Variants in TSGA10 observed in about 807,000 individuals in gnomAD.
TSGA10 encodes the protein testis-specific gene 10 protein.
Under a neutral mutation model 96.6 loss-of-function variants are expected in TSGA10, and 43 were observed. The ratio of observed to expected loss-of-function variants is 0.44; its 90% CI spans 0.35 to 0.57. TSGA10 has a LOEUF of 0.57. Among genes scored for constraint, TSGA10 ranks in the 20% least tolerant of loss-of-function variants. The pLI is 0.01. For synonymous variants in TSGA10, 229 were observed against 269.9 expected, an observed-to-expected ratio of 0.85 and a Z score of 1.48; for missense variants, 703 against 834.4, an observed-to-expected ratio of 0.84 and a Z score of 1.94.
At chr2:99,004,069 A>G (rs1358502800) in intron 20 of TSGA10, among the ~76,000 whole-genome samples, 1 of 152,214 alleles carries the variant, frequency 6.6e-6, no homozygotes, top group African/African-American at 2.4e-5. Flanking sequence ...ATAAAGAAGA[A>G]AAGAGAGAAG....
intron 16 of TSGA10, among the ~76,000 whole-genome samples, chr2:99,044,043 AG>A (rs1381975771): frequency 2.6e-5 from 4 of 152,336 alleles, no homozygotes; most frequent in Middle Eastern, 3.4e-3. Context: ...AAAATTGGAT[AG>A]GAAAAACTGG....
In TSGA10 at chr2:99,135,004, G is replaced by C. The variant is rs558519657; in HGVS notation, c.-620-7828C>G. 2.6e-5 allele frequency among the ~76,000 whole-genome samples: 4 copies of C among 152,230 alleles called. No homozygotes were observed. The South Asian group carries it at 8.3e-4, about 32-fold the overall frequency. The stretch of plus-strand genomic sequence containing the variant: ...GGGGCACCCACCAGATGCCAGCCAG[G>C]GCTCTCCTATATGAGATGTCTGTTG... On this transcript the variant is annotated intron_variant, in intron 1 of 20. Coordinates refer to ENST00000393483, the MANE Select transcript of TSGA10 (RefSeq NM_025244.4).
chr2:99,133,734 T>C (rs2093207184), intron 1 of TSGA10, among the ~76,000 whole-genome samples: 1 of 152,244 alleles, frequency 6.6e-6, no homozygotes, highest in African/African-American at 2.4e-5. Flanking sequence ...GTTTTTCATT[T>C]CCATGTTTAG....
intron 16 of TSGA10, among the ~76,000 whole-genome samples, chr2:99,044,018 C>T (rs1346467491): frequency 6.6e-6 from 1 of 152,154 alleles, no homozygotes; most frequent in Non-Finnish European, 1.5e-5. Flanking sequence ...CTTACAAGAG[C>T]TCTGAAAAAG....
At chr2:99,069,616 T>C (rs1993230) in intron 14 of TSGA10, among the ~76,000 whole-genome samples, 52,812 of 150,464 alleles carry the variant, frequency 0.35, 10,593 homozygotes, top group African/African-American at 0.55. Flanking sequence ...CTGAACAACA[T>C]AGTGGGAACC....
rs185341641 is a variant in TSGA10 at position 99,003,019 on chromosome 2, C to T, written c.2073-4798G>A. Reference sequence around the variant, plus strand: ...GATTATAGGCAAGTGCCACCATGCCCGGCTAATTTTTGTATTTTTAGTAGA... The same window carrying T: ...GATTATAGGCAAGTGCCACCATGCCTGGCTAATTTTTGTATTTTTAGTAGA... On this transcript the variant is annotated intron_variant, in intron 20 of 20. Coordinates refer to ENST00000393483, the MANE Select transcript of TSGA10 (RefSeq NM_025244.4). 1.1e-3 allele frequency among the ~76,000 whole-genome samples: 165 copies of T among 152,130 alleles called. 1 individual carries two copies. The highest frequency in any genetic ancestry group is 3.4e-3 in the African/African-American group (141 of 41,500).
intron 1 of TSGA10, chr2:99,142,478 A>T (rs1329117564): frequency 6.6e-6 from 1 of 152,220 alleles, no homozygotes; most frequent in Non-Finnish European, 1.5e-5. Flanking sequence ...ATTTAGTCAT[A>T]AAAATACATT....
chr2:99,104,263 G>T (rs2091093647), intron 9 of TSGA10, 145 bp from the exon 10 acceptor site: 2 of 854,004 alleles, frequency 2.3e-6, no homozygotes, highest in South Asian at 2.0e-5. Context: ...GCTGTAGAAG[G>T]TTTTACAGAT....
At chr2:99,038,555 CAA>C (rs2081887556) in intron 16 of TSGA10, among the ~76,000 whole-genome samples, 2 of 152,020 alleles carry the variant, frequency 1.3e-5, no homozygotes, top group South Asian at 4.1e-4. Flanking sequence ...TTAAAAAAGA[CAA>C]AGAGGGACAT....
At chr2:99,123,638 A>AT (rs1000344653) in intron 2 of TSGA10, among the ~76,000 whole-genome samples, 2 of 152,086 alleles carry the variant, frequency 1.3e-5, no homozygotes, top group Non-Finnish European at 1.5e-5. Flanking sequence ...TATTTCCAGA[A>AT]TTTTTTTATT....
At chr2:99,024,084 A>G (rs1489126441) in intron 17 of TSGA10, among the ~76,000 whole-genome samples, 1 of 147,320 alleles carries the variant, frequency 6.8e-6, no homozygotes, top group Non-Finnish European at 1.5e-5. Flanking sequence ...AGTTTTGTAA[A>G]GTACAAGTAT....
At chr2:99,032,173 A>G (rs1164257660) in intron 17 of TSGA10, among the ~76,000 whole-genome samples, 1 of 151,892 alleles carries the variant, frequency 6.6e-6, no homozygotes, top group Non-Finnish European at 1.5e-5. Flanking sequence ...CCATTTTTTT[A>G]TTTACCACTT....
At chr2:99,023,061 C>T (rs1444361649) in intron 17 of TSGA10, among the ~76,000 whole-genome samples, 1 of 152,128 alleles carries the variant, frequency 6.6e-6, no homozygotes, top group East Asian at 1.9e-4. Flanking sequence ...CATTCTGTCA[C>T]CCAGGCTGGA....
At chr2:99,066,006 G>A (rs2085227987) in intron 15 of TSGA10, among the ~76,000 whole-genome samples, 1 of 152,100 alleles carries the variant, frequency 6.6e-6, no homozygotes. Flanking sequence ...AAAATTAGTT[G>A]TAATTTTGGT....
chr2:99,010,872 A>G (rs2078938014), intron 20 of TSGA10, among the ~76,000 whole-genome samples: 1 of 152,174 alleles, frequency 6.6e-6, no homozygotes. Context: ...GCAAAATCTG[A>G]GCAAGGCACT....
intron 17 of TSGA10, among the ~76,000 whole-genome samples, chr2:99,028,084 C>T (rs2080801234): frequency 6.6e-6 from 1 of 152,174 alleles, no homozygotes; most frequent in African/African-American, 2.4e-5. Context: ...ATTCTAGCCC[C>T]TCCCGCTAGG....
At chr2:99,001,090 C>T (rs949790104) in intron 20 of TSGA10, among the ~76,000 whole-genome samples, 2 of 152,210 alleles carry the variant, frequency 1.3e-5, no homozygotes, top group East Asian at 3.9e-4. Flanking sequence ...CAGACTTAAA[C>T]GTCCCTGTCT....
chr2:99,098,712 T>C (rs75775091), intron 10 of TSGA10, among the ~76,000 whole-genome samples: 413 of 152,202 alleles, frequency 2.7e-3, no homozygotes, highest in African/African-American at 9.4e-3. Flanking sequence ...AGACTCTATG[T>C]ACATTCAAAT....
chr2:99,022,467 G>A lies in TSGA10; in HGVS notation c.1615-1985C>T, dbSNP rs1377574510. 8.6e-5 allele frequency among the ~76,000 whole-genome samples: 13 copies of A among 150,442 alleles called. No individual in the cohort carries two copies. The Admixed American group carries it at 8.7e-4, about 10-fold the overall frequency. Reference sequence around the variant, plus strand: ...ACAAACAATGTGTATGCGGTCTTTTGTGACTGGCTTCCTTTATTAGCACAA... The same window carrying A: ...ACAAACAATGTGTATGCGGTCTTTTATGACTGGCTTCCTTTATTAGCACAA... On this transcript the variant is annotated intron_variant, in intron 17 of 20. Coordinates refer to ENST00000393483, the MANE Select transcript of TSGA10 (RefSeq NM_025244.4).
Sources: gnomAD v4.1 joint callset for allele counts (sites outside exome capture counted in the v4.1 genomes callset) on GRCh38, gnomAD v4.1.1 for gene constraint, MANE v1.5 for transcripts, NCBI Gene and HGNC (gene_info 2026-07-23, HGNC 2026-07-21) for gene names.